Variants in RIMS2 observed in about 807,000 individuals in gnomAD.
RIMS2 encodes regulating synaptic membrane exocytosis 2, also known as regulating synaptic membrane exocytosis protein 2.
Under a neutral mutation model 174.4 loss-of-function variants are expected in RIMS2, and 59 were observed. The ratio of observed to expected loss-of-function variants is 0.34; its 90% CI spans 0.27 to 0.42. RIMS2 has a LOEUF of 0.42. Ranked by LOEUF, RIMS2 falls within the 10% of genes least tolerant of loss-of-function variation. The probability of loss-of-function intolerance (pLI) is 1.00; values close to 1 mark genes in which losing one functional copy is unlikely to be tolerated. For missense variants in RIMS2, 1,620 were observed against 1,666.3 expected (o/e 0.97, Z 0.48); for synonymous variants, 606 against 572.5 (o/e 1.06, Z -0.84).
intron 19 of RIMS2, among the ~76,000 whole-genome samples, chr8:104,029,381 T>G (rs533501572): frequency 7.2e-4 from 109 of 152,158 alleles, no homozygotes; most frequent in Non-Finnish European, 1.2e-3. Flanking sequence ...TGGTTCAAAT[T>G]CTTCTGACAA....
chr8:104,115,998 T>A (rs1239410747), intron 19 of RIMS2, among the ~76,000 whole-genome samples: 1 of 152,174 alleles, frequency 6.6e-6, no homozygotes, highest in Non-Finnish European at 1.5e-5. Flanking sequence ...GGAATGATGA[T>A]CCTCAATGAC....
At chr8:104,090,987 C>A (rs1422710230) in intron 19 of RIMS2, among the ~76,000 whole-genome samples, 1 of 151,736 alleles carries the variant, frequency 6.6e-6, no homozygotes. Flanking sequence ...TCTTTGTCAT[C>A]ATTTGTTATC....
At chr8:103,583,901 A>G (rs145704696) in intron 1 of RIMS2, among the ~76,000 whole-genome samples, 39 of 150,826 alleles carry the variant, frequency 2.6e-4, no homozygotes, top group African/African-American at 9.7e-4. Flanking sequence ...TGGGGGAAAA[A>G]CACACACAAT....
intron 1 of RIMS2, among the ~76,000 whole-genome samples, chr8:103,541,504 G>GAAAAA (rs1288569149): frequency 6.6e-6 from 1 of 151,590 alleles, no homozygotes; most frequent in Non-Finnish European, 1.5e-5. Context: ...CCAGCTGAAA[G>GAAAAA]AAAAAAAAGA....
At chr8:103,572,375 G>A (rs912843208) in intron 1 of RIMS2, among the ~76,000 whole-genome samples, 1 of 103,188 alleles carries the variant, frequency 9.7e-6, no homozygotes, top group Non-Finnish European at 2.1e-5. Flanking sequence ...ATTTTACAGA[G>A]CACTGATTGG....
At chr8:104,059,883 C>T (rs910316929) in intron 19 of RIMS2, among the ~76,000 whole-genome samples, 11 of 152,020 alleles carry the variant, frequency 7.2e-5, no homozygotes, top group South Asian at 2.1e-4. Context: ...TATTGATTTG[C>T]GTATATTGAA....
At chr8:103,629,598 A>G (rs1487531904) in intron 1 of RIMS2, among the ~76,000 whole-genome samples, 2 of 152,232 alleles carry the variant, frequency 1.3e-5, no homozygotes, top group Non-Finnish European at 2.9e-5. Context: ...ATTTAAAACT[A>G]CTTGTCATAT....
chr8:103,885,609 C>A, exon 4 of RIMS2: 1 of 1,612,906 alleles, frequency 6.2e-7, no homozygotes. Flanking sequence ...CGAAGTGATC[C>A]GAATTTGGCC....
At chr8:103,808,726 G>A (rs777097500) in intron 3 of RIMS2, among the ~76,000 whole-genome samples, 4 of 152,058 alleles carry the variant, frequency 2.6e-5, no homozygotes, top group African/African-American at 4.8e-5. Flanking sequence ...ACCAATCAAC[G>A]ACTAAGTCCT....
chr8:103,753,287 A>T (rs2097918787), intron 2 of RIMS2, among the ~76,000 whole-genome samples: 1 of 152,220 alleles, frequency 6.6e-6, no homozygotes, highest in African/African-American at 2.4e-5. Flanking sequence ...GATGAAGTCC[A>T]CTTGATCATG....
At chr8:104,144,056 A>G (rs2098607798) in intron 19 of RIMS2, among the ~76,000 whole-genome samples, 2 of 152,048 alleles carry the variant, frequency 1.3e-5, no homozygotes, top group South Asian at 4.1e-4. Flanking sequence ...AATAATCCCT[A>G]TATGCTATTT....
At chr8:103,962,965 T>C (rs1018385135) in intron 15 of RIMS2, among the ~76,000 whole-genome samples, 7 of 152,188 alleles carry the variant, frequency 4.6e-5, no homozygotes, top group Admixed American at 1.3e-4. Context: ...ATGGTATATG[T>C]AGTTTTTTTT....
rs538152054 is a variant in RIMS2, at chr8:104,109,022, T to G, written c.3334+94407T>G. On this transcript the variant is annotated intron_variant, in intron 19 of 23. Transcript: ENST00000504942. The stretch of plus-strand genomic sequence containing the variant: ...CTTTTCATCATCCACATTTTTAGTA[T>G]AAGAAATAATGCTGCCTGTAATCCC... 1.4e-4 allele frequency among the ~76,000 whole-genome samples: 21 copies of G among 152,018 alleles called. No homozygotes were observed. In the South Asian group the frequency reaches 4.4e-3, roughly 32 times the overall value.
At chr8:103,988,511 G>C (rs2094497508) in intron 16 of RIMS2, among the ~76,000 whole-genome samples, 1 of 152,192 alleles carries the variant, frequency 6.6e-6, no homozygotes, top group South Asian at 2.1e-4. Context: ...CCAGGCTAAA[G>C]TGCAATGGTG....
chr8:104,223,938 GAGCACGTCAGCTGAGCAGAGA>G, intron 19 of RIMS2: 1 of 661,216 alleles, frequency 1.5e-6, no homozygotes, highest in Non-Finnish European at 2.5e-6. Flanking sequence ...GACAGCCCTA[GAGCACGTCAGCTGAGCAGAGA>G]AGTTGTTTCT....
At chr8:103,804,253 G>C (rs186638426) in intron 3 of RIMS2, among the ~76,000 whole-genome samples, 1 of 152,236 alleles carries the variant, frequency 6.6e-6, no homozygotes, top group African/African-American at 2.4e-5. Flanking sequence ...AAACTCCACT[G>C]TACACCCAAG....
At chr8:104,073,497 C>G (rs1171152058) in intron 19 of RIMS2, among the ~76,000 whole-genome samples, 1 of 152,162 alleles carries the variant, frequency 6.6e-6, no homozygotes, top group Non-Finnish European at 1.5e-5. Flanking sequence ...GGCAATACTT[C>G]TACAAAATTA....
At chr8:103,630,154 A>G (rs535031456) in intron 1 of RIMS2, among the ~76,000 whole-genome samples, 1 of 152,044 alleles carries the variant, frequency 6.6e-6, no homozygotes, top group African/African-American at 2.4e-5. Flanking sequence ...ACAAAAAAAA[A>G]AAAAAAATCT....
chr8:103,688,666 G>A (rs1342725507), intron 1 of RIMS2, among the ~76,000 whole-genome samples: 1 of 151,982 alleles, frequency 6.6e-6, no homozygotes, highest in African/African-American at 2.4e-5. Context: ...TTTTGGAAGA[G>A]TTTGAGAAGG....
Sources: allele counts gnomAD v4.1 joint callset (sites outside exome capture counted in the v4.1 genomes callset), GRCh38; gene constraint gnomAD v4.1.1; transcripts MANE v1.5; gene names NCBI Gene and HGNC (gene_info 2026-07-23, HGNC 2026-07-21).